MTHFD1L: variants seen among roughly 807,000 people sequenced by gnomAD.
MTHFD1L encodes monofunctional C1-tetrahydrofolate synthase, mitochondrial.
MTHFD1L carries 81 observed loss-of-function variants against 119.5 expected under a neutral mutation model. That is an observed-to-expected ratio of 0.68 (90% CI 0.57 to 0.82). The LOEUF (loss-of-function observed/expected upper bound fraction) is 0.82. MTHFD1L is among the 40% of genes least tolerant of loss of function. The pLI, the probability that MTHFD1L is intolerant of heterozygous loss-of-function variation, is 0.00. For missense variants in MTHFD1L, 1,125 were observed against 1,253.4 expected (o/e 0.90, Z 1.55); for synonymous variants, 430 against 475.2 (o/e 0.90, Z 1.24).
At chr6:151,080,804 G>A (rs568530333) in intron 26 of MTHFD1L, among the ~76,000 whole-genome samples, 7 of 152,130 alleles carry the variant, frequency 4.6e-5, no homozygotes, top group South Asian at 4.1e-4. Flanking sequence ...CCTGTATGTC[G>A]TCTTCTCTGT....
rs145345278 is a variant in MTHFD1L, at chr6:150,925,590, TAGAG to T, written c.1083-529_1083-526del. 8.1e-4 allele frequency among the ~76,000 whole-genome samples: 123 copies of T among 152,228 alleles called. 1 individual carries two copies. Among genetic ancestry groups the T allele is most frequent in the African/African-American group, 2.1e-3 (87 of 41,546 alleles). On this transcript the variant is annotated intron_variant, in intron 10 of 27. Coordinates refer to ENST00000367321, the MANE Select transcript of MTHFD1L (RefSeq NM_015440.5). ...TTGAAATATGATTTTAGACTGTAAA[TAGAG>T]AGGGGGAAGTGTGGACACAGATAAA...
chr6:150,910,292 G>A (rs1041632029), intron 8 of MTHFD1L, among the ~76,000 whole-genome samples: 9 of 151,228 alleles, frequency 6.0e-5, no homozygotes, highest in South Asian at 2.1e-4. Context: ...GGCCGGATGC[G>A]GTGGCTCACG....
intron 11 of MTHFD1L, among the ~76,000 whole-genome samples, chr6:150,933,229 G>A (rs540075823): frequency 6.6e-6 from 1 of 152,108 alleles, no homozygotes; most frequent in Non-Finnish European, 1.5e-5. Flanking sequence ...GGGCAGCTAT[G>A]CTAGCATATC....
chr6:150,879,432 C>T (rs1212544010), intron 4 of MTHFD1L, among the ~76,000 whole-genome samples: 7 of 151,936 alleles, frequency 4.6e-5, no homozygotes, highest in East Asian at 1.9e-4. Flanking sequence ...GGATTACAGG[C>T]GCCCGCCACC....
chr6:150,948,791 C>CA (rs1562436865), intron 15 of MTHFD1L, among the ~76,000 whole-genome samples: 9 of 145,488 alleles, frequency 6.2e-5, no homozygotes, highest in Non-Finnish European at 1.1e-4. Context: ...CAGGCATGCG[C>CA]CACCATGCCC....
intron 16 of MTHFD1L, among the ~76,000 whole-genome samples, chr6:150,953,293 G>T (rs1298341899): frequency 6.6e-6 from 1 of 152,162 alleles, no homozygotes; most frequent in Non-Finnish European, 1.5e-5. Context: ...GACATAGTCA[G>T]CACTGTAGTA....
chr6:151,033,356 G>A (rs1785626449), intron 24 of MTHFD1L, among the ~76,000 whole-genome samples: 1 of 152,102 alleles, frequency 6.6e-6, no homozygotes, highest in South Asian at 2.1e-4. Context: ...CTGACCTCAA[G>A]TGATCCACCC....
intron 26 of MTHFD1L, among the ~76,000 whole-genome samples, chr6:151,084,737 G>A (rs952117421): frequency 4.6e-5 from 7 of 151,736 alleles, no homozygotes; most frequent in South Asian, 4.2e-4. Context: ...AGGCCGAGGC[G>A]GGCAGATCAC....
chr6:150,945,593 C>A, intron 15 of MTHFD1L, 52 bp downstream of exon 15: 1 of 1,534,032 alleles, frequency 6.5e-7, no homozygotes, highest in Non-Finnish European at 9.0e-7. Context: ...AGAAACGCAT[C>A]AGAAAGATTG....
At chr6:150,997,828 A>G (rs1242514534) in intron 20 of MTHFD1L, among the ~76,000 whole-genome samples, 2 of 152,220 alleles carry the variant, frequency 1.3e-5, no homozygotes, top group African/African-American at 2.4e-5. Flanking sequence ...ATATTGTTTC[A>G]TGGGAGCTGC....
chr6:151,055,998 G>A (rs189507473), intron 26 of MTHFD1L: 72 of 152,140 alleles, frequency 4.7e-4, no homozygotes, highest in African/African-American at 1.6e-3. Flanking sequence ...ATAAATTTTC[G>A]AACTGTTATT....
At chr6:150,975,899 G>C (rs1001198555) in intron 20 of MTHFD1L, among the ~76,000 whole-genome samples, 1 of 152,202 alleles carries the variant, frequency 6.6e-6, no homozygotes. Flanking sequence ...CTGGGGACAC[G>C]CCCTGAGCCT....
At chr6:150,978,767 C>T (rs1292112018) in intron 20 of MTHFD1L, among the ~76,000 whole-genome samples, 1 of 152,124 alleles carries the variant, frequency 6.6e-6, no homozygotes. Context: ...CCTCATCTTA[C>T]AGATGATGTA....
chr6:150,917,750 AG>A, intron 8 of MTHFD1L, among the ~76,000 whole-genome samples: 1 of 152,358 alleles, frequency 6.6e-6, no homozygotes, highest in Non-Finnish European at 1.5e-5. Context: ...ATTAATTAAC[AG>A]GCCCAACATC....
chr6:150,966,820 A>C (rs947355200), intron 19 of MTHFD1L, among the ~76,000 whole-genome samples: 8 of 152,228 alleles, frequency 5.3e-5, no homozygotes, highest in African/African-American at 1.9e-4. Flanking sequence ...TGAGCCTCTT[A>C]TCTTTTAAAA....
At chr6:151,083,906 G>A (rs558245482) in intron 26 of MTHFD1L, among the ~76,000 whole-genome samples, 102 of 152,216 alleles carry the variant, frequency 6.7e-4, no homozygotes, top group African/African-American at 2.4e-3. Context: ...CAGCAAAATG[G>A]GGATAATGTA....
chr6:150,964,854 A>T lies in MTHFD1L; in HGVS notation c.1945-115A>T, dbSNP rs933267231. 6.0e-6 allele frequency: 5 copies of T among 838,830 alleles called. No homozygotes were observed. In the African/African-American group the frequency reaches 6.7e-5, roughly 11 times the overall value. 52.0% of individuals were successfully genotyped at this position (838,830 alleles called of 1,614,324 possible). A position where few individuals can be genotyped will look rare whatever the true frequency, so the allele number is the denominator to read the frequency against. ...ACAGCAGCACTGTCCCCTGTGGCCC[A>T]GGGTTGCCTGTGGGGACGCCCACCC... On this transcript the variant is annotated intron_variant, in intron 18 of 27. Transcript: ENST00000367321.
intron 26 of MTHFD1L, among the ~76,000 whole-genome samples, chr6:151,058,170 C>T (rs556566467): frequency 1.3e-5 from 2 of 152,200 alleles, no homozygotes; most frequent in Non-Finnish European, 2.9e-5. Context: ...CCATACCTAG[C>T]AAGAGCTTAA....
At chr6:150,930,537 T>C (rs1790862234) in intron 11 of MTHFD1L, among the ~76,000 whole-genome samples, 1 of 151,946 alleles carries the variant, frequency 6.6e-6, no homozygotes, top group South Asian at 2.1e-4. Flanking sequence ...GATAACTAGG[T>C]CTCTCATAAC....
Sources: allele counts gnomAD v4.1 joint callset (sites outside exome capture counted in the v4.1 genomes callset), GRCh38; gene constraint gnomAD v4.1.1; transcripts MANE v1.5; gene names NCBI Gene and HGNC (gene_info 2026-07-23, HGNC 2026-07-21).